The following FAM133B variants were observed in gnomAD, a reference collection of about 807,000 sequenced individuals.
FAM133B encodes family with sequence similarity 133 member B, also known as protein FAM133B.
FAM133B carries 25 observed loss-of-function variants against 46.4 expected under a neutral mutation model. The ratio of observed to expected loss-of-function variants is 0.54; its 90% CI spans 0.39 to 0.75. The LOEUF (loss-of-function observed/expected upper bound fraction) is 0.75, where lower values mean the gene tolerates loss of function less well. Among genes scored for constraint, FAM133B ranks in the 30% least tolerant of loss-of-function variants. FAM133B has a pLI of 0.00. For synonymous variants in FAM133B, 75 were observed against 86.0 expected (o/e 0.87, Z 0.71); for missense variants, 205 against 277.6 (o/e 0.74, Z 1.86).
At chr7:92,569,514 A>C (rs1328458582) in intron 9 of FAM133B, 1 of 171,482 alleles carries the variant, frequency 5.8e-6, no homozygotes, top group Non-Finnish European at 1.2e-5. Context: ...TGGTTTCAAC[A>C]TGCTGTATGT....
intron 10 of FAM133B, 121 bp from the exon 11 acceptor site, chr7:92,562,489 C>G: frequency 7.5e-7 from 1 of 1,327,804 alleles, no homozygotes; most frequent in Non-Finnish European, 9.9e-7. Context: ...GAAAACTACT[C>G]AAAACATTCC....
At chr7:92,580,656 A>G (rs1402711090) in intron 2 of FAM133B, among the ~76,000 whole-genome samples, 3 of 152,210 alleles carry the variant, frequency 2.0e-5, no homozygotes, top group African/African-American at 7.2e-5. Context: ...TCACAGTAAT[A>G]AATCTTACCA....
intron 8 of FAM133B, among the ~76,000 whole-genome samples, chr7:92,573,979 C>T (rs975698238): frequency 6.6e-6 from 1 of 151,980 alleles, no homozygotes; most frequent in African/African-American, 2.4e-5. Flanking sequence ...GCTAGGACTA[C>T]AGGCATATGC....
At chr7:92,564,578 A>G (rs1019195595) in intron 10 of FAM133B, among the ~76,000 whole-genome samples, 2 of 152,380 alleles carry the variant, frequency 1.3e-5, no homozygotes, top group African/African-American at 4.8e-5. Flanking sequence ...TGGAGCACAT[A>G]AAATGTTATT....
At chr7:92,578,867 G>T (rs1794780357) in intron 3 of FAM133B, among the ~76,000 whole-genome samples, 1 of 151,968 alleles carries the variant, frequency 6.6e-6, no homozygotes, top group Non-Finnish European at 1.5e-5. Flanking sequence ...GCAACATAGT[G>T]AGAACCTGTC....
At chr7:92,570,756 A>T (rs1416617012) in intron 8 of FAM133B, among the ~76,000 whole-genome samples, 2 of 152,154 alleles carry the variant, frequency 1.3e-5, no homozygotes, top group Non-Finnish European at 2.9e-5. Flanking sequence ...ACTAACAGTG[A>T]TGATCTCTCT....
intron 1 of FAM133B, 115 bp downstream of exon 1, chr7:92,590,153 C>T (rs1042587344): frequency 7.2e-6 from 11 of 1,520,490 alleles, no homozygotes; most frequent in African/African-American, 5.5e-5. Context: ...GGTCTCCAGG[C>T]CCCACGTCTG....
intron 8 of FAM133B, 62 bp downstream of exon 8, chr7:92,575,709 T>C: frequency 1.3e-6 from 1 of 787,530 alleles, no homozygotes; most frequent in Non-Finnish European, 2.0e-6. Context: ...ACATTATTGT[T>C]ATTTAAGTCA....
intron 7 of FAM133B, 104 bp from the exon 8 acceptor site, chr7:92,575,925 G>A (rs541048697): frequency 1.5e-5 from 7 of 474,252 alleles, no homozygotes; most frequent in Non-Finnish European, 2.7e-5. Flanking sequence ...ACTGAAAAAA[G>A]GCTACTCCAA....
intron 8 of FAM133B, among the ~76,000 whole-genome samples, chr7:92,573,189 TGGG>T (rs1794588883): frequency 7.1e-6 from 1 of 141,012 alleles, no homozygotes; most frequent in East Asian, 2.1e-4. Context: ...TTTTTAGAGA[TGGG>T]GGTCTTACTC....
intron 1 of FAM133B, among the ~76,000 whole-genome samples, chr7:92,584,231 C>T (rs944084717): frequency 1.3e-5 from 2 of 151,886 alleles, no homozygotes; most frequent in Non-Finnish European, 2.9e-5. Flanking sequence ...TTATGAAACT[C>T]TTCTACTTTT....
At chr7:92,571,217 T>A (rs940038857) in intron 8 of FAM133B, among the ~76,000 whole-genome samples, 7 of 152,194 alleles carry the variant, frequency 4.6e-5, no homozygotes, top group African/African-American at 1.7e-4. Context: ...TCCAAAACTG[T>A]CTGTCATCCA....
chr7:92,578,251 G>C, intron 4 of FAM133B, 68 bp downstream of exon 4: 1 of 1,594,272 alleles, frequency 6.3e-7, no homozygotes. Flanking sequence ...ATTAACAGTA[G>C]TATACAGCAT....
intron 1 of FAM133B, among the ~76,000 whole-genome samples, chr7:92,588,757 C>G (rs1457613942): frequency 6.6e-6 from 1 of 152,178 alleles, no homozygotes; most frequent in Non-Finnish European, 1.5e-5. Flanking sequence ...CTCCCCAGCA[C>G]TGCATAGAGA....
chr7:92,585,372 T>C, intron 1 of FAM133B: 1 of 984,908 alleles, frequency 1.0e-6, no homozygotes, highest in Non-Finnish European at 1.2e-6. Context: ...ATTTCCTTGG[T>C]ATCATGTCAT....
intron 2 of FAM133B, among the ~76,000 whole-genome samples, chr7:92,581,111 A>G (rs1057377279): frequency 1.3e-5 from 2 of 152,256 alleles, no homozygotes; most frequent in African/African-American, 2.4e-5. Context: ...CAGTTTTTCT[A>G]ATTCATTGAA....
chr7:92,590,354 G>C lies in FAM133B; in HGVS notation c.-63C>G, dbSNP rs902731916. 6 of 1,608,432 alleles carry C rather than the reference G, an allele frequency of 3.7e-6. No homozygotes were observed. Among genetic ancestry groups the C allele is most frequent in the Admixed American group, 3.4e-5 (2 of 59,446 alleles). On this transcript the variant is annotated 5_prime_UTR_variant, in exon 1 of 11. Transcript: ENST00000445716. Reference sequence around the variant, plus strand: ...ACCGGGCCGGAGAGACTGCCGAAGAGGGCCTGCCGCAGGTCCTCTTGCCGC... The same window carrying C: ...ACCGGGCCGGAGAGACTGCCGAAGACGGCCTGCCGCAGGTCCTCTTGCCGC...
At chr7:92,570,226 A>G (rs976144556) in intron 8 of FAM133B, among the ~76,000 whole-genome samples, 1 of 152,132 alleles carries the variant, frequency 6.6e-6, no homozygotes, top group African/African-American at 2.4e-5. Flanking sequence ...TTTGTATTCT[A>G]ATTCTTTTGT....
chr7:92,581,498 A>C lies in FAM133B; in HGVS notation c.122+8T>G, dbSNP rs1414076014. 6.2e-7 allele frequency: 1 copy of C among 1,608,458 alleles called. No homozygotes were observed. Among genetic ancestry groups the C allele is most frequent in the East Asian group, 2.2e-5 (1 of 44,834 alleles). ...AGCTTATAAATAGGTAAAGTGTTTC[A>C]CAAATACCAGGTAGGCCTTGGTCGA... On this transcript the variant is annotated splice_region_variant and intron_variant, in intron 2 of 10. Coordinates refer to ENST00000445716, the MANE Select transcript of FAM133B (RefSeq NM_152789.4).
Sources: gnomAD v4.1 joint callset for allele counts (sites outside exome capture counted in the v4.1 genomes callset) on GRCh38, gnomAD v4.1.1 for gene constraint, MANE v1.5 for transcripts, NCBI Gene and HGNC (gene_info 2026-07-23, HGNC 2026-07-21) for gene names.